Variants in KCNQ1 observed in about 807,000 individuals in gnomAD.
KCNQ1 encodes the protein potassium voltage-gated channel subfamily Q member 1, also known as potassium voltage-gated channel subfamily KQT member 1.
A neutral mutation model predicts 72.4 loss-of-function variants in KCNQ1; 49 were observed. That is an observed-to-expected ratio of 0.68 (90% CI 0.54 to 0.86). The LOEUF is 0.86. Ranked by LOEUF, KCNQ1 falls within the 40% of genes least tolerant of loss-of-function variation. The pLI, the probability that KCNQ1 is intolerant of heterozygous loss-of-function variation, is 0.00. For missense variants in KCNQ1, 790 were observed against 945.1 expected, an observed-to-expected ratio of 0.84 and a Z score of 2.15; for synonymous variants, 450 against 412.6, an observed-to-expected ratio of 1.09 and a Z score of -1.10.
intron 2 of KCNQ1, among the ~76,000 whole-genome samples, chr11:2,561,737 A>G (rs1470683619): frequency 3.3e-5 from 5 of 152,102 alleles, no homozygotes; most frequent in Admixed American, 6.5e-5. Context: ...TGGCCAAGGT[A>G]GCGGGTCCCC....
At chr11:2,756,949 CTT>C (rs1304115677) in intron 11 of KCNQ1, among the ~76,000 whole-genome samples, 2 of 45,268 alleles carry the variant, frequency 4.4e-5, no homozygotes, top group African/African-American at 1.8e-4. Context: ...TCAAGAGCAT[CTT>C]AAAAAAAAAA....
intron 2 of KCNQ1, among the ~76,000 whole-genome samples, chr11:2,548,369 G>A (rs1847929601): frequency 2.0e-5 from 3 of 152,234 alleles, no homozygotes; most frequent in Admixed American, 6.5e-5. Context: ...CAGAACATGG[G>A]ATGGGAATAT....
intron 10 of KCNQ1, chr11:2,631,022 T>A: frequency 2.5e-6 from 1 of 398,536 alleles, no homozygotes. Flanking sequence ...TTGTCTTCCA[T>A]TTTTTACATT....
At chr11:2,631,884 A>G in intron 10 of KCNQ1, 1 of 398,188 alleles carries the variant, frequency 2.5e-6, no homozygotes, top group Non-Finnish European at 4.4e-6. Flanking sequence ...TGATTAATGT[A>G]TAGAAATGCA....
intron 11 of KCNQ1, among the ~76,000 whole-genome samples, chr11:2,749,961 A>C (rs77314939): frequency 2.2e-4 from 1 of 4,510 alleles, no homozygotes; most frequent in African/African-American, 3.0e-3. Flanking sequence ...CTCTGTCTCC[A>C]AAAAAAAAAA....
chr11:2,686,654 C>T (rs1850494909), intron 11 of KCNQ1: 3 of 398,504 alleles, frequency 7.5e-6, no homozygotes, highest in South Asian at 1.3e-4. Context: ...AGAGCATGGC[C>T]GCTGGATCAA....
chr11:2,517,709 GTGGGACCATGGCCC>G (rs1324391079), intron 1 of KCNQ1, among the ~76,000 whole-genome samples: 2 of 152,200 alleles, frequency 1.3e-5, no homozygotes, highest in Non-Finnish European at 2.9e-5. Context: ...GGTTTGGCCA[GTGGGACCATGGCCC>G]TGGGAGCATA....
chr11:2,689,141 G>C (rs1006313125), intron 11 of KCNQ1: 3 of 398,620 alleles, frequency 7.5e-6, no homozygotes, highest in Non-Finnish European at 1.3e-5. Context: ...GAGACCCTAA[G>C]GAGAGCTACA....
rs1564855416 is a variant in KCNQ1 at position 2,678,268 on chromosome 11, C to T, written c.1514+16187C>T. The T allele has an allele frequency of 5.0e-6, 2 of 398,246 alleles. No homozygotes were observed. Among genetic ancestry groups the T allele is most frequent in the Non-Finnish European group, 8.9e-6 (2 of 225,986 alleles). 24.7% of individuals were successfully genotyped at this position (398,246 alleles called of 1,614,324 possible). A position where few individuals can be genotyped will look rare whatever the true frequency, so the allele number is the denominator to read the frequency against. On this transcript the variant is annotated intron_variant, in intron 11 of 15. Transcript: ENST00000155840. The surrounding 1 kb of genome is among the most constrained non-coding windows in gnomAD (Gnocchi z 4.9). The stretch of plus-strand genomic sequence containing the variant: ...TTAAATTCTGAAATAACCTCTCATC[C>T]TGAAATTGTTTTAATAAATTCTTCC...
In KCNQ1 at chr11:2,602,685, A is replaced by C. The variant is rs1848824225; in HGVS notation, c.1393+13831A>C. 6.6e-6 allele frequency among the ~76,000 whole-genome samples: 1 copy of C among 152,190 alleles called. No homozygotes were observed. The highest frequency in any genetic ancestry group is 2.4e-5 in the African/African-American group (1 of 41,454). ...CATTTCCTCATTAGGATGATACTGAACATCTTTTCATGTGCCTGTTTGCCA... is the reference window on the plus strand; with the variant it reads ...CATTTCCTCATTAGGATGATACTGACCATCTTTTCATGTGCCTGTTTGCCA... On this transcript the variant is annotated intron_variant, in intron 10 of 15. Transcript: ENST00000155840. The surrounding 1 kb of genome is among the most constrained non-coding windows in gnomAD (Gnocchi z 4.8).
chr11:2,618,983 A>C, intron 10 of KCNQ1: 1 of 398,214 alleles, frequency 2.5e-6, no homozygotes. Flanking sequence ...CCAGGTCATT[A>C]TTTGTGTATA....
rs1848837661 is a variant in KCNQ1 at position 2,603,612 on chromosome 11, A to C, written c.1393+14758A>C. 6.6e-6 allele frequency among the ~76,000 whole-genome samples: 1 copy of C among 152,154 alleles called. No individual in the cohort carries two copies. The highest frequency in any genetic ancestry group is 2.4e-5 in the African/African-American group (1 of 41,428). On this transcript the variant is annotated intron_variant, in intron 10 of 15. Coordinates refer to ENST00000155840, the MANE Select transcript of KCNQ1 (RefSeq NM_000218.3). This position sits in a 1 kb window ranked among gnomAD's most constrained non-coding sequence, Gnocchi z 4.1. ...TTGCCTATTCTGGACATTTTATATAAGTGGAATCATACAATGTATGGTCCT... is the reference window on the plus strand; with the variant it reads ...TTGCCTATTCTGGACATTTTATATACGTGGAATCATACAATGTATGGTCCT...
intron 7 of KCNQ1, among the ~76,000 whole-genome samples, chr11:2,583,987 TG>T (rs748674750): frequency 6.6e-6 from 1 of 151,240 alleles, no homozygotes; most frequent in African/African-American, 2.4e-5. Context: ...TGTATGTGGG[TG>T]TGTGTGTGTG....
intron 1 of KCNQ1, among the ~76,000 whole-genome samples, chr11:2,455,900 C>T (rs1446210371): frequency 6.6e-6 from 1 of 152,230 alleles, no homozygotes; most frequent in Non-Finnish European, 1.5e-5. Context: ...CACACACCTA[C>T]AGCCATCTGA....
In KCNQ1 at chr11:2,669,861, A is replaced by G. The variant is rs1023958852; in HGVS notation, c.1514+7780A>G. ...CATGGGATACAAATGGGGTCACAAC[A>G]TATGGCTGTCAGCTGCTGTCCTTAA... On this transcript the variant is annotated intron_variant, in intron 11 of 15. Transcript: ENST00000155840. This position sits in a 1 kb window ranked among gnomAD's most constrained non-coding sequence, Gnocchi z 5.6. 7.5e-6 allele frequency: 3 copies of G among 398,544 alleles called. No individual in the cohort carries two copies. Among genetic ancestry groups the G allele is most frequent in the African/African-American group, 2.1e-5 (1 of 48,644 alleles). 24.7% of individuals were successfully genotyped at this position (398,544 alleles called of 1,614,324 possible). A position where few individuals can be genotyped will look rare whatever the true frequency, so the allele number is the denominator to read the frequency against.
At chr11:2,753,063 CA>C (rs546539324) in intron 11 of KCNQ1, among the ~76,000 whole-genome samples, 8 of 152,168 alleles carry the variant, frequency 5.3e-5, no homozygotes, top group Non-Finnish European at 1.2e-4. Flanking sequence ...TGCATCAACC[CA>C]GGGGGAGGAG....
chr11:2,510,138 G>A (rs1847174774), intron 1 of KCNQ1, among the ~76,000 whole-genome samples: 1 of 151,986 alleles, frequency 6.6e-6, no homozygotes, highest in African/African-American at 2.4e-5. Flanking sequence ...TACTAGCTGG[G>A]TGTGCTGGCA....
chr11:2,591,177 C>T (rs1848665930), intron 10 of KCNQ1, among the ~76,000 whole-genome samples: 1 of 152,256 alleles, frequency 6.6e-6, no homozygotes, highest in African/African-American at 2.4e-5. Flanking sequence ...TTTGTGCTCG[C>T]AGGCACCAGC....
intron 11 of KCNQ1, among the ~76,000 whole-genome samples, chr11:2,706,449 C>G (rs1236045360): frequency 6.6e-6 from 1 of 152,266 alleles, no homozygotes; most frequent in Non-Finnish European, 1.5e-5. Flanking sequence ...CTGGTCTACA[C>G]CTTGACTGCA....
Sources: gnomAD v4.1 joint callset for allele counts (sites outside exome capture counted in the v4.1 genomes callset) on GRCh38, gnomAD v4.1.1 for gene constraint, Gnocchi (gnomAD v3.1) non-coding constraint, MANE v1.5 for transcripts, NCBI Gene and HGNC (gene_info 2026-07-23, HGNC 2026-07-21) for gene names.